The following CHIC1 variants were observed in gnomAD, a reference collection of about 807,000 sequenced individuals.
CHIC1 encodes the protein cysteine-rich hydrophobic domain-containing protein 1.
CHIC1 carries 7 observed loss-of-function variants against 18.5 expected under a neutral mutation model. That is an observed-to-expected ratio of 0.38 (90% CI 0.22 to 0.71). The LOEUF (loss-of-function observed/expected upper bound fraction) is 0.71, where lower values mean the gene tolerates loss of function less well. Ranked by LOEUF, CHIC1 falls within the 30% of genes least tolerant of loss-of-function variation. The pLI is 0.49. For synonymous variants in CHIC1, 77 were observed against 73.5 expected, an observed-to-expected ratio of 1.05 and a Z score of -0.25; for missense variants, 159 against 176.9, an observed-to-expected ratio of 0.90 and a Z score of 0.57.
At chrX:73,673,785 G>A (rs1356003081) in intron 3 of CHIC1, among the ~76,000 whole-genome samples, 1 of 111,743 alleles carries the variant, frequency 8.9e-6, no homozygotes, top group Non-Finnish European at 1.9e-5. Context: ...CCAACACTAT[G>A]TTGAATAGGA....
intron 3 of CHIC1, among the ~76,000 whole-genome samples, chrX:73,642,337 A>G (rs1430515065): frequency 1.1e-4 from 12 of 111,452 alleles, no homozygotes; most frequent in Non-Finnish European, 2.3e-4. Flanking sequence ...GTGTCTGTTC[A>G]TGTCCTTCGC....
chrX:73,563,229 C>G lies in CHIC1; in HGVS notation c.-56C>G. ...TTTCGTTCCCCCTCCTCTTGCAGCA[C>G]CTCGGCAGGTTCAAACTCTTCTCCG... On this transcript the variant is annotated 5_prime_UTR_variant, in exon 1 of 6. Coordinates refer to ENST00000373502, the MANE Select transcript of CHIC1 (RefSeq NM_001039840.4). The G allele has an allele frequency of 9.4e-7, 1 of 1,062,404 alleles. No individual in the cohort carries two copies. Among genetic ancestry groups the G allele is most frequent in the Non-Finnish European group, 1.2e-6 (1 of 820,125 alleles). The allele number at this position is 1,062,404 out of a possible 1,213,427, so 87.6% of individuals were successfully genotyped here.
At chrX:73,584,898 G>C (rs2057545671) in intron 3 of CHIC1, among the ~76,000 whole-genome samples, 1 of 111,155 alleles carries the variant, frequency 9.0e-6, no homozygotes, top group Admixed American at 9.6e-5. Context: ...CAAGTTATAG[G>C]TATAAAGGAG....
intron 3 of CHIC1, among the ~76,000 whole-genome samples, chrX:73,677,954 T>G (rs1002842924): frequency 5.4e-5 from 6 of 110,761 alleles, no homozygotes; most frequent in Non-Finnish European, 1.1e-4. Context: ...TTCTTTGGAG[T>G]CTGTTGCTGG....
chrX:73,657,143 T>C (rs2057953849), intron 3 of CHIC1, among the ~76,000 whole-genome samples: 1 of 106,255 alleles, frequency 9.4e-6, no homozygotes, highest in Non-Finnish European at 1.9e-5. Context: ...CACTGCAAGC[T>C]CCACCTTCCG....
intron 3 of CHIC1, among the ~76,000 whole-genome samples, chrX:73,618,174 T>A (rs2057741931): frequency 9.0e-6 from 1 of 111,693 alleles, no homozygotes; most frequent in Admixed American, 9.5e-5. Context: ...CCTACTATGA[T>A]GGAGGTGGCA....
At chrX:73,575,478 C>T (rs1308730674) in intron 1 of CHIC1, among the ~76,000 whole-genome samples, 3 of 110,262 alleles carry the variant, frequency 2.7e-5, no homozygotes, top group African/African-American at 6.5e-5. Context: ...GCCTAGTACA[C>T]ACCTAAGCTA....
chrX:73,674,162 T>C lies in CHIC1; in HGVS notation c.508-5164T>C, dbSNP rs746753847. On this transcript the variant is annotated intron_variant, in intron 3 of 5. Coordinates refer to ENST00000373502, the MANE Select transcript of CHIC1 (RefSeq NM_001039840.4). ...TGGATTCGGTTTGCCAGTATTTTAC[T>C]GAGGATTTTTGCATCGATGTTCTAA... Among the ~76,000 whole-genome samples the C allele has an allele frequency of 3.7e-4, 41 of 112,123 alleles. 1 individual carries two copies. In the Middle Eastern group the frequency reaches 0.014, roughly 38 times the overall value.
chrX:73,680,905 A>G, intron 5 of CHIC1, 50 bp from the exon 6 acceptor site: 1 of 665,885 alleles, frequency 1.5e-6, no homozygotes, highest in East Asian at 3.7e-5. Flanking sequence ...TTTATAAGTT[A>G]TATTAAATGA....
At chrX:73,577,086 A>G (rs2057502805) in intron 1 of CHIC1, among the ~76,000 whole-genome samples, 1 of 110,626 alleles carries the variant, frequency 9.0e-6, no homozygotes, top group African/African-American at 3.2e-5. Context: ...GTAGGTTTTA[A>G]CGGAAACATC....
At chrX:73,645,646 T>G (rs1238540878) in intron 3 of CHIC1, among the ~76,000 whole-genome samples, 1 of 111,981 alleles carries the variant, frequency 8.9e-6, no homozygotes, top group East Asian at 2.8e-4. Flanking sequence ...TTCATTTGAA[T>G]TGCCCTGATG....
intron 3 of CHIC1, among the ~76,000 whole-genome samples, chrX:73,652,786 G>A (rs1480942986): frequency 8.9e-6 from 1 of 112,174 alleles, no homozygotes. Context: ...TTGGTGGAAT[G>A]TAAACTAGTT....
intron 3 of CHIC1, among the ~76,000 whole-genome samples, chrX:73,621,058 A>G (rs760711130): frequency 4.5e-5 from 5 of 111,649 alleles, no homozygotes; most frequent in Non-Finnish European, 9.4e-5. Context: ...ATTGGACTAT[A>G]TATCTGTTTT....
chrX:73,620,848 C>T (rs1360444987), intron 3 of CHIC1, among the ~76,000 whole-genome samples: 1 of 111,925 alleles, frequency 8.9e-6, no homozygotes, highest in African/African-American at 3.3e-5. Context: ...ACTTTTAAGC[C>T]TTTAATCCAT....
At chrX:73,666,295 G>A (rs141186787) in intron 3 of CHIC1, among the ~76,000 whole-genome samples, 2 of 111,469 alleles carry the variant, frequency 1.8e-5, no homozygotes, top group East Asian at 2.8e-4. Flanking sequence ...AGTTTATTAT[G>A]TATTAACTTA....
chrX:73,598,519 C>T (rs2057623530), intron 3 of CHIC1, among the ~76,000 whole-genome samples: 2 of 84,581 alleles, frequency 2.4e-5, no homozygotes, highest in African/African-American at 4.6e-5. Context: ...GTGTGATATT[C>T]CCCTTCCTGT....
intron 3 of CHIC1, among the ~76,000 whole-genome samples, chrX:73,611,590 G>A (rs763213982): frequency 0.017 from 1,811 of 107,690 alleles, 175 homozygotes; most frequent in African/African-American, 0.062. Flanking sequence ...CTGAGGAATC[G>A]CCACACTGAC....
chrX:73,675,724 C>T (rs1200672421), intron 3 of CHIC1, among the ~76,000 whole-genome samples: 1 of 111,199 alleles, frequency 9.0e-6, no homozygotes, highest in African/African-American at 3.3e-5. Flanking sequence ...GCATTTAGCC[C>T]GTTTACATTT....
chrX:73,637,469 C>A (rs1254496944), intron 3 of CHIC1, among the ~76,000 whole-genome samples: 2 of 110,460 alleles, frequency 1.8e-5, no homozygotes, highest in Admixed American at 1.9e-4. Flanking sequence ...TCCTATATCC[C>A]AAGTCTCTTC....
Sources: gnomAD v4.1 joint callset for allele counts (sites outside exome capture counted in the v4.1 genomes callset) on GRCh38, gnomAD v4.1.1 for gene constraint, MANE v1.5 for transcripts, NCBI Gene and HGNC (gene_info 2026-07-23, HGNC 2026-07-21) for gene names.